ADCY3: variants seen among roughly 807,000 people sequenced by gnomAD.
ADCY3 encodes adenylate cyclase 3, also known as adenylate cyclase type 3.
In ADCY3, 70 loss-of-function variants were observed where a neutral mutation model predicts 119.4. That is an observed-to-expected ratio of 0.59 (90% CI 0.48 to 0.72). The LOEUF (loss-of-function observed/expected upper bound fraction) is 0.72. Among genes scored for constraint, ADCY3 ranks in the 30% least tolerant of loss-of-function variants. The pLI, the probability that ADCY3 is intolerant of heterozygous loss-of-function variation, is 0.00. For missense variants in ADCY3, 1,238 were observed against 1,541.6 expected (o/e 0.80, Z 3.30); for synonymous variants, 672 against 621.4 (o/e 1.08, Z -1.21).
intron 15 of ADCY3, chr2:24,826,731 T>A (rs1668673181): frequency 7.5e-6 from 1 of 133,612 alleles, no homozygotes; most frequent in African/African-American, 2.6e-5. Context: ...TGTGCATGAA[T>A]TTCTCTAAGA....
intron 3 of ADCY3, among the ~76,000 whole-genome samples, chr2:24,850,684 G>A (rs1672188613): frequency 6.6e-6 from 1 of 152,216 alleles, no homozygotes; most frequent in South Asian, 2.1e-4. Flanking sequence ...AAAGATATAC[G>A]TAGAAGGTGA....
At chr2:24,836,682 G>A (rs1279719270) in intron 9 of ADCY3, among the ~76,000 whole-genome samples, 3 of 152,220 alleles carry the variant, frequency 2.0e-5, no homozygotes, top group Middle Eastern at 3.4e-3. Flanking sequence ...AAAGGCCTCC[G>A]AGCTAAGCAC....
chr2:24,918,240 C>A lies in ADCY3; in HGVS notation c.675+73G>T. 2 of 1,483,992 alleles carry A rather than the reference C, an allele frequency of 1.3e-6. No homozygotes were observed. Among genetic ancestry groups the A allele is most frequent in the Non-Finnish European group, 1.8e-6 (2 of 1,110,190 alleles). The allele number at this position is 1,483,992 out of a possible 1,614,324, so 91.9% of individuals were successfully genotyped here. On this transcript the variant is annotated intron_variant, in intron 2 of 21. Coordinates refer to ENST00000679454, the MANE Select transcript of ADCY3 (RefSeq NM_004036.5). The surrounding 1 kb of genome is among the most constrained non-coding windows in gnomAD (Gnocchi z 5.4). ...TTTGACTCAAAGGCAAAGCAAACAGCAACTCCAACAGGTCCCAAGTTGGTG... is the reference window on the plus strand; with the variant it reads ...TTTGACTCAAAGGCAAAGCAAACAGAAACTCCAACAGGTCCCAAGTTGGTG...
chr2:24,855,932 G>C, intron 3 of ADCY3, among the ~76,000 whole-genome samples: 1 of 152,314 alleles, frequency 6.6e-6, no homozygotes, highest in Non-Finnish European at 1.5e-5. Context: ...GGCCTGGTTC[G>C]CACTGGCTCA....
intron 2 of ADCY3, among the ~76,000 whole-genome samples, chr2:24,914,398 G>A (rs114646010): frequency 0.011 from 1,674 of 152,204 alleles, 23 homozygotes; most frequent in African/African-American, 0.037. Flanking sequence ...CCCTCCTCTG[G>A]ACAGCGGCTC....
At chr2:24,845,887 C>T (rs137940496) in intron 3 of ADCY3, among the ~76,000 whole-genome samples, 3 of 152,200 alleles carry the variant, frequency 2.0e-5, no homozygotes, top group Non-Finnish European at 4.4e-5. Flanking sequence ...GTGTCCCAGC[C>T]GCTCCAGCCG....
intron 3 of ADCY3, among the ~76,000 whole-genome samples, chr2:24,850,376 G>A (rs1326593762): frequency 6.6e-6 from 1 of 152,108 alleles, no homozygotes; most frequent in Admixed American, 6.5e-5. Flanking sequence ...TAAAGACTCC[G>A]ACACCCCTTC....
rs1466423367 is a variant in ADCY3 at position 24,821,846 on chromosome 2, G to A, written c.3004-206C>T. Reference sequence around the variant, plus strand: ...CACGTAGCAGGTCTAGGCAAAGACTGGGCAATTGAGCAGAGGAGACGGACC... The same window carrying A: ...CACGTAGCAGGTCTAGGCAAAGACTAGGCAATTGAGCAGAGGAGACGGACC... On this transcript the variant is annotated intron_variant, in intron 19 of 21. Transcript: ENST00000679454. The A allele has an allele frequency of 2.0e-5, 13 of 648,618 alleles. No homozygotes were observed. The Admixed American group carries it at 2.9e-4, about 14-fold the overall frequency. The allele number at this position is 648,618 out of a possible 1,614,324, so 40.2% of individuals were successfully genotyped here.
chr2:24,886,817 A>T (rs367681977), intron 2 of ADCY3, among the ~76,000 whole-genome samples: 3 of 152,196 alleles, frequency 2.0e-5, no homozygotes, highest in Admixed American at 6.5e-5. Context: ...GCTGGCAAGG[A>T]GGCTGCCATG....
chr2:24,908,189 G>A (rs1230952885), intron 2 of ADCY3, among the ~76,000 whole-genome samples: 3 of 152,024 alleles, frequency 2.0e-5, no homozygotes, highest in Non-Finnish European at 4.4e-5. Context: ...GGGCATGGTG[G>A]CGCATGCCTG....
At chr2:24,838,090 G>A (rs981647537) in intron 8 of ADCY3, among the ~76,000 whole-genome samples, 5 of 112,282 alleles carry the variant, frequency 4.5e-5, no homozygotes, top group African/African-American at 1.8e-4. Flanking sequence ...GCCTCTCCCT[G>A]AGCATCCACG....
chr2:24,916,499 T>G (rs1664474578), intron 2 of ADCY3, among the ~76,000 whole-genome samples: 1 of 152,172 alleles, frequency 6.6e-6, no homozygotes, highest in Non-Finnish European at 1.5e-5. Context: ...CTGGCCAACA[T>G]GGTGAAACCT....
At chr2:24,895,089 A>ATTTTTC in intron 2 of ADCY3, among the ~76,000 whole-genome samples, 1 of 150,580 alleles carries the variant, frequency 6.6e-6, no homozygotes, top group South Asian at 2.1e-4. Context: ...AATTATCTTC[A>ATTTTTC]TTTTTCTTTT....
chr2:24,861,352 G>T (rs1673633166), intron 3 of ADCY3, among the ~76,000 whole-genome samples: 1 of 151,864 alleles, frequency 6.6e-6, no homozygotes, highest in African/African-American at 2.4e-5. Context: ...TTTGCAGAGG[G>T]TAGATTAACG....
At chr2:24,914,384 T>C (rs1035772318) in intron 2 of ADCY3, among the ~76,000 whole-genome samples, 1 of 152,172 alleles carries the variant, frequency 6.6e-6, no homozygotes, top group African/African-American at 2.4e-5. Flanking sequence ...TTTCGTCCTC[T>C]GTTCCCTCCT....
Position 24,834,766 on chromosome 2 carries a change from G to A in ADCY3, c.1805+28C>T, listed in dbSNP as rs896306756. 3 of 1,607,350 alleles carry A rather than the reference G, an allele frequency of 1.9e-6. No homozygotes were observed. In the African/African-American group the frequency reaches 4.0e-5, roughly 21 times the overall value. Reference sequence around the variant, plus strand: ...TTGTCAGGGCCCGGGAGGAGTGGTGGGCCTGGACGCTTCCGGGTGGCGCTT... The same window carrying A: ...TTGTCAGGGCCCGGGAGGAGTGGTGAGCCTGGACGCTTCCGGGTGGCGCTT... On this transcript the variant is annotated intron_variant, in intron 10 of 21. Coordinates refer to ENST00000679454, the MANE Select transcript of ADCY3 (RefSeq NM_004036.5). This position sits in a 1 kb window ranked among gnomAD's most constrained non-coding sequence, Gnocchi z 4.2.
chr2:24,913,306 C>T (rs1034906446), intron 2 of ADCY3, among the ~76,000 whole-genome samples: 6 of 122,678 alleles, frequency 4.9e-5, no homozygotes, highest in Non-Finnish European at 9.9e-5. Context: ...GGAACATCGT[C>T]ATGGGCTTCT....
chr2:24,916,518 C>A (rs967638030), intron 2 of ADCY3, among the ~76,000 whole-genome samples: 1 of 152,202 alleles, frequency 6.6e-6, no homozygotes, highest in Non-Finnish European at 1.5e-5. Context: ...CTTGTCTCTA[C>A]TAAAAATACA....
intron 15 of ADCY3, among the ~76,000 whole-genome samples, 156 bp downstream of exon 15, chr2:24,827,390 C>T (rs972269818): frequency 1.3e-5 from 2 of 152,252 alleles, no homozygotes; most frequent in South Asian, 4.1e-4. Flanking sequence ...ACTGCTGCAG[C>T]CCTCCTGGAG....
Sources: allele counts gnomAD v4.1 joint callset (sites outside exome capture counted in the v4.1 genomes callset), GRCh38; gene constraint gnomAD v4.1.1; non-coding constraint Gnocchi (gnomAD v3.1); transcripts MANE v1.5; gene names NCBI Gene and HGNC (gene_info 2026-07-23, HGNC 2026-07-21).